The following DOP1B variants were observed in gnomAD, a reference collection of about 807,000 sequenced individuals.
DOP1B encodes the protein DOP1 leucine zipper like protein B.
DOP1B carries 174 observed loss-of-function variants against 233.5 expected under a neutral mutation model. That is an observed-to-expected ratio of 0.75 (90% CI 0.66 to 0.85). DOP1B has a LOEUF of 0.85. Among genes scored for constraint, DOP1B ranks in the 40% least tolerant of loss-of-function variants. The pLI is 0.00. For synonymous variants in DOP1B, 1,190 were observed against 1,185.6 expected, an observed-to-expected ratio of 1.00 and a Z score of -0.08; for missense variants, 2,652 against 2,846.6, an observed-to-expected ratio of 0.93 and a Z score of 1.56.
At position 36,177,797 on chromosome 21, in the gene DOP1B, C is replaced by G. The variant is rs1303460242; in HGVS notation, c.138+12926C>G. On this transcript the variant is annotated intron_variant, in intron 2 of 36. Transcript: ENST00000691173. ...GTCTCCACCAGCAAGAAGGCCCTCA[C>G]CAGATGCAGCCCCTTGAGCTTGGCC... 3.3e-5 allele frequency among the ~76,000 whole-genome samples: 5 copies of G among 152,186 alleles called. No individual in the cohort carries two copies. In the East Asian group the frequency reaches 7.7e-4, roughly 23 times the overall value.
At chr21:36,176,097 C>CGTGT (rs1555886143) in intron 2 of DOP1B, among the ~76,000 whole-genome samples, 86 of 141,848 alleles carry the variant, frequency 6.1e-4, no homozygotes, top group African/African-American at 1.6e-3. Context: ...GGTGTGTGTG[C>CGTGT]GTGTGTGTGT....
Position 36,245,796 on chromosome 21 carries a change from C to T in DOP1B, c.3816C>T (p.Thr1272=), listed in dbSNP as rs147694942. Residue 1272 remains threonine (T), a synonymous_variant, in exon 19 of 37, where the codon ACC becomes ACT. Coordinates refer to ENST00000691173, the MANE Select transcript of DOP1B (RefSeq NM_001320714.2). The surrounding 1 kb of genome is among the most constrained non-coding windows in gnomAD (Gnocchi z 5.5). ...GGACTAGCATGGATACCAGCTCCACCGCGCACCTCAACCTCATCTCCAACC... is the reference window on the plus strand; with the variant it reads ...GGACTAGCATGGATACCAGCTCCACTGCGCACCTCAACCTCATCTCCAACC... ...VSRTSMDTSS[T]AHLNLISNLL... The T allele has an allele frequency of 1.1e-5, 17 of 1,613,858 alleles. No individual in the cohort carries two copies. The highest frequency in any genetic ancestry group is 8.8e-5 in the South Asian group (8 of 91,070).
chr21:36,189,840 C>A, intron 2 of DOP1B, among the ~76,000 whole-genome samples: 1 of 150,960 alleles, frequency 6.6e-6, no homozygotes, highest in East Asian at 2.0e-4. Context: ...GAAACCCTGT[C>A]TCTACTAAAA....
At chr21:36,213,924 A>G (rs75930558) in intron 7 of DOP1B, among the ~76,000 whole-genome samples, 157 bp from the exon 8 acceptor site, 5,312 of 152,170 alleles carry the variant, frequency 0.035, 337 homozygotes, top group African/African-American at 0.12. Context: ...CACCACTGTC[A>G]GAAGAAGAAA....
At chr21:36,260,592 T>C in intron 23 of DOP1B, 85 bp from the exon 24 acceptor site, 1 of 1,581,942 alleles carries the variant, frequency 6.3e-7, no homozygotes, top group Non-Finnish European at 8.6e-7. Context: ...TTTGTTAGGC[T>C]ATAGATCTGT....
At chr21:36,263,006 G>A (rs576283322) in intron 24 of DOP1B, among the ~76,000 whole-genome samples, 2 of 151,804 alleles carry the variant, frequency 1.3e-5, no homozygotes, top group African/African-American at 4.8e-5. Flanking sequence ...AGGCCGAGGC[G>A]GGTGGATCAC....
chr21:36,284,273 T>TTC (rs1335892269), intron 32 of DOP1B, among the ~76,000 whole-genome samples: 69 of 131,268 alleles, frequency 5.3e-4, no homozygotes, highest in African/African-American at 2.0e-3. Context: ...TTCTTTTTTT[T>TTC]TTTTTTTTTT....
intron 32 of DOP1B, among the ~76,000 whole-genome samples, chr21:36,287,347 G>A (rs978481322): frequency 6.6e-6 from 1 of 152,024 alleles, no homozygotes; most frequent in African/African-American, 2.4e-5. Flanking sequence ...TCCTCACCAT[G>A]GGCTGCTTGG....
At chr21:36,225,448 C>G in intron 11 of DOP1B, 117 bp from the exon 12 acceptor site, 1 of 1,153,978 alleles carries the variant, frequency 8.7e-7, no homozygotes, top group Non-Finnish European at 1.2e-6. Context: ...CCAGGCTGGT[C>G]TCAGACTCCT....
intron 1 of DOP1B, among the ~76,000 whole-genome samples, chr21:36,161,208 C>T (rs530100668): frequency 2.6e-5 from 4 of 151,966 alleles, no homozygotes; most frequent in Non-Finnish European, 4.4e-5. Context: ...TGCAATGGTG[C>T]GATCTGAGCC....
At chr21:36,287,285 C>G (rs2067496320) in intron 32 of DOP1B, among the ~76,000 whole-genome samples, 1 of 152,124 alleles carries the variant, frequency 6.6e-6, no homozygotes, top group Admixed American at 6.6e-5. Context: ...ACCCACCACC[C>G]TCAAAATATG....
At chr21:36,200,816 C>A (rs1413684543) in intron 4 of DOP1B, among the ~76,000 whole-genome samples, 3 of 151,034 alleles carry the variant, frequency 2.0e-5, no homozygotes, top group Admixed American at 6.6e-5. Context: ...GCACTCCAGC[C>A]TGGACAACAG....
At chr21:36,271,065 C>T (rs1444089346) in intron 27 of DOP1B, among the ~76,000 whole-genome samples, 1 of 150,724 alleles carries the variant, frequency 6.6e-6, no homozygotes, top group East Asian at 1.9e-4. Flanking sequence ...GAAATGTATA[C>T]CAGTTTTATT....
At chr21:36,161,095 G>A (rs1353675429) in intron 1 of DOP1B, among the ~76,000 whole-genome samples, 1 of 151,966 alleles carries the variant, frequency 6.6e-6, no homozygotes. Flanking sequence ...GGGAGAAGGA[G>A]CATGTTGAGC....
In DOP1B at chr21:36,245,217, G is replaced by A. The variant is rs371134067; in HGVS notation, c.3237G>A (p.Pro1079=). 3.2e-5 allele frequency: 51 copies of A among 1,614,104 alleles called. No individual in the cohort carries two copies. The highest frequency in any genetic ancestry group is 4.1e-5 in the Non-Finnish European group (48 of 1,180,052). The change falls in exon 19 of 37, where the codon CCG becomes CCA. Residue 1079 remains proline (P), a synonymous_variant. Transcript: ENST00000691173. This position sits in a 1 kb window ranked among gnomAD's most constrained non-coding sequence, Gnocchi z 5.5. ...AEVEKEPEKY[P]LRGELSEEEL... is the part of the protein sequence containing the mutation. ...TGGAGAAGGAGCCCGAGAAGTACCC[G>A]CTGCGAGGCGAGCTGAGCGAGGAAG...
At chr21:36,286,801 A>G (rs2067489072) in intron 32 of DOP1B, among the ~76,000 whole-genome samples, 1 of 152,054 alleles carries the variant, frequency 6.6e-6, no homozygotes, top group Admixed American at 6.6e-5. Flanking sequence ...TATCTCTACT[A>G]AAAATACAAA....
intron 27 of DOP1B, among the ~76,000 whole-genome samples, chr21:36,270,912 CAAAAA>C (rs71326665): frequency 7.8e-6 from 1 of 127,794 alleles, no homozygotes; most frequent in African/African-American, 2.9e-5. Flanking sequence ...GACTACACCT[CAAAAA>C]AAAAAAAAAG....
chr21:36,267,302 AT>A (rs2067240770), intron 26 of DOP1B, among the ~76,000 whole-genome samples: 1 of 152,232 alleles, frequency 6.6e-6, no homozygotes, highest in South Asian at 2.1e-4. Flanking sequence ...TTATTGAAAG[AT>A]GCATTTCTAG....
Position 36,224,643 on chromosome 21 carries a change from C to T in DOP1B, c.1371-922C>T, listed in dbSNP as rs143593656. Among the ~76,000 whole-genome samples, 202 of 151,356 alleles carry T rather than the reference C, an allele frequency of 1.3e-3. 1 individual carries two copies. The highest frequency in any genetic ancestry group is 4.8e-3 in the African/African-American group (199 of 41,200). ...CATGGCTTTGCTGTTGCCTGTGGAT[C>T]CTATTACAGTTAATTTATTCATCCC... On this transcript the variant is annotated intron_variant, in intron 11 of 36. Transcript: ENST00000691173.
Sources: allele counts gnomAD v4.1 joint callset (sites outside exome capture counted in the v4.1 genomes callset), GRCh38; gene constraint gnomAD v4.1.1; non-coding constraint Gnocchi (gnomAD v3.1); transcripts MANE v1.5; gene names NCBI Gene and HGNC (gene_info 2026-07-23, HGNC 2026-07-21).